COL6A6: variants seen among roughly 807,000 people sequenced by gnomAD.
COL6A6 encodes collagen alpha-6(VI) chain.
In COL6A6, 183 loss-of-function variants were observed where a neutral mutation model predicts 208.6. The ratio of observed to expected loss-of-function variants is 0.88; its 90% confidence interval spans 0.78 to 0.99. The LOEUF (loss-of-function observed/expected upper bound fraction) is 0.99, where lower values mean the gene tolerates loss of function less well. Ranked by LOEUF, COL6A6 falls within the 50% of genes least tolerant of loss-of-function variation. The probability of loss-of-function intolerance (pLI) is 0.00; values close to 1 mark genes in which losing one functional copy is unlikely to be tolerated. For synonymous variants in COL6A6, 973 were observed against 1,011.8 expected (o/e 0.96, Z 0.73); for missense variants, 2,816 against 2,815.2 (o/e 1.00, Z -0.01).
chr3:130,649,010 A>G (rs1011220968), intron 32 of COL6A6, 59 bp from the exon 33 acceptor site: 73 of 1,274,130 alleles, frequency 5.7e-5, no homozygotes, highest in Non-Finnish European at 7.3e-5. Flanking sequence ...TTTGCCTTCT[A>G]TGTATCTTTT....
chr3:130,656,900 C>G (rs1190064784), intron 33 of COL6A6, among the ~76,000 whole-genome samples: 5 of 152,276 alleles, frequency 3.3e-5, no homozygotes, highest in Non-Finnish European at 7.3e-5. Flanking sequence ...CTCAACTTTG[C>G]TCCAAGATCA....
intron 14 of COL6A6, 35 bp from the exon 15 acceptor site, chr3:130,592,661 T>C: frequency 6.2e-7 from 1 of 1,612,874 alleles, no homozygotes; most frequent in African/African-American, 1.3e-5. Flanking sequence ...AATTACATTT[T>C]CCTACACTAA....
In COL6A6 at chr3:130,568,618, T is replaced by C. The variant is rs772628746; in HGVS notation, c.2401+14T>C. On this transcript the variant is annotated intron_variant, in intron 6 of 36. Coordinates refer to ENST00000358511, the MANE Select transcript of COL6A6 (RefSeq NM_001102608.3). ...GCCCCCGTGAAGGTAGGCATGGGCATACTCACTAGCAGGACTATCCGAACA... is the reference window on the plus strand; with the variant it reads ...GCCCCCGTGAAGGTAGGCATGGGCACACTCACTAGCAGGACTATCCGAACA... The C allele has an allele frequency of 3.2e-6, 5 of 1,580,864 alleles. No individual in the cohort carries two copies. In the East Asian group the frequency reaches 1.1e-4, roughly 35 times the overall value.
At position 130,658,805 on chromosome 3, in the gene COL6A6, G is replaced by C. The variant is rs2065867455; in HGVS notation, c.5830+33G>C. ...CCACAGAGAGAAGGTAATTTGGTCA[G>C]GCCTATTAAGCATGATGAGTCACCA... On this transcript the variant is annotated intron_variant, in intron 34 of 36. Coordinates refer to ENST00000358511, the MANE Select transcript of COL6A6 (RefSeq NM_001102608.3). The C allele has an allele frequency of 3.3e-6, 5 of 1,502,610 alleles. No homozygotes were observed. The East Asian group carries it at 1.1e-4, about 35-fold the overall frequency. The allele number at this position is 1,502,610 out of a possible 1,614,324, so 93.1% of individuals were successfully genotyped here. A position where few individuals can be genotyped will look rare whatever the true frequency, so the allele number is the denominator to read the frequency against.
rs1205233950 is a variant in COL6A6, at chr3:130,565,616, T to C, written c.1282+2T>C. 12 of 1,606,468 alleles carry C rather than the reference T, an allele frequency of 7.5e-6. No individual in the cohort carries two copies. The highest frequency in any genetic ancestry group is 1.3e-5 in the African/African-American group (1 of 74,622). On this transcript the variant is annotated splice_donor_variant, in intron 4 of 36. Transcript: ENST00000358511. LOFTEE classifies it high-confidence loss of function. Reference sequence around the variant, plus strand: ...AGAGGACTGAAACGCTCAAATCTGGTAAGGTCTTCTGCTGAAAGAAGGGTT... The same window carrying C: ...AGAGGACTGAAACGCTCAAATCTGGCAAGGTCTTCTGCTGAAAGAAGGGTT...
chr3:130,552,821 ACCG>A (rs202223898), intron 1 of COL6A6, among the ~76,000 whole-genome samples: 404 of 40,108 alleles, frequency 0.01, 1 homozygote, highest in Admixed American at 0.021. Context: ...TCTTTTAAGG[ACCG>A]TCTCTCTTAA....
In COL6A6 at chr3:130,568,042, T is replaced by C. The variant is rs9836961; in HGVS notation, c.1844-5T>C. On this transcript the variant is annotated splice_polypyrimidine_tract_variant and splice_region_variant and intron_variant, in intron 5 of 36. Transcript: ENST00000358511. Reference sequence around the variant, plus strand: ...TGAATAAACATCACAGTTTTTCCTATGCAGCTTGCAAAGAGATGAAAGCTG... The same window carrying C: ...TGAATAAACATCACAGTTTTTCCTACGCAGCTTGCAAAGAGATGAAAGCTG... 0.81 allele frequency: 1,286,503 copies of C among 1,595,670 alleles called. 527,620 individuals carry two copies. The highest frequency in any genetic ancestry group is 0.85 in the Non-Finnish European group (991,949 of 1,171,228).
chr3:130,645,846 C>A (rs1048613118), intron 32 of COL6A6, among the ~76,000 whole-genome samples: 1 of 152,194 alleles, frequency 6.6e-6, no homozygotes, highest in Non-Finnish European at 1.5e-5. Flanking sequence ...AAACTTATCA[C>A]CCTCTTATAC....
At chr3:130,596,999 A>G (rs1342549826) in intron 18 of COL6A6, among the ~76,000 whole-genome samples, 1 of 152,188 alleles carries the variant, frequency 6.6e-6, no homozygotes, top group Non-Finnish European at 1.5e-5. Flanking sequence ...TCAGATTCAC[A>G]TTGACCAACT....
At chr3:130,660,912 TA>T (rs2065915899) in intron 34 of COL6A6, among the ~76,000 whole-genome samples, 1 of 152,250 alleles carries the variant, frequency 6.6e-6, no homozygotes, top group African/African-American at 2.4e-5. Context: ...AAATGACCTT[TA>T]AGAACCTTCC....
intron 1 of COL6A6, among the ~76,000 whole-genome samples, chr3:130,530,884 T>C (rs4525833): frequency 0.8 from 121,956 of 152,030 alleles, 49,649 homozygotes; most frequent in Non-Finnish European, 0.87. Flanking sequence ...AGACTTAAGA[T>C]GGCAACATCA....
chr3:130,528,962 C>T (rs1379142986), intron 1 of COL6A6, among the ~76,000 whole-genome samples: 2 of 152,126 alleles, frequency 1.3e-5, no homozygotes, highest in African/African-American at 4.8e-5. Context: ...GTGTGGTGGA[C>T]ACCTGTAGTC....
At chr3:130,573,820 C>G in intron 7 of COL6A6, 136 bp from the exon 8 acceptor site, 1 of 613,056 alleles carries the variant, frequency 1.6e-6, no homozygotes, top group Non-Finnish European at 2.9e-6. Flanking sequence ...CTGCCCGCCT[C>G]GGCCTCCCAA....
Position 130,608,976 on chromosome 3 carries a change from G to A in COL6A6, c.4752+12G>A, listed in dbSNP as rs560497927. ...TTAAGGGCCCTCAGGTACATATCAA[G>A]ACCAATCAGGGTGTGAGAACATAAA... On this transcript the variant is annotated intron_variant, in intron 22 of 36. Coordinates refer to ENST00000358511, the MANE Select transcript of COL6A6 (RefSeq NM_001102608.3). 2.5e-6 allele frequency: 4 copies of A among 1,602,716 alleles called. No individual in the cohort carries two copies. In the East Asian group the frequency reaches 8.9e-5, roughly 36 times the overall value.
intron 33 of COL6A6, among the ~76,000 whole-genome samples, chr3:130,655,618 C>T (rs540703074): frequency 1.5e-4 from 23 of 152,240 alleles, no homozygotes; most frequent in African/African-American, 2.2e-4. Context: ...TCACTTGGTG[C>T]GCCTGGGAGT....
intron 26 of COL6A6, among the ~76,000 whole-genome samples, chr3:130,634,230 T>TAAAAAAAA (rs1241375395): frequency 1.5e-5 from 1 of 67,944 alleles, no homozygotes; most frequent in Non-Finnish European, 4.2e-5. Flanking sequence ...AATAAATAAA[T>TAAAAAAAA]AAATAAATAA....
chr3:130,531,060 A>G (rs58910981), intron 1 of COL6A6, among the ~76,000 whole-genome samples: 1 of 17,808 alleles, frequency 5.6e-5, no homozygotes, highest in Admixed American at 9.2e-4. Context: ...ACACACACAC[A>G]GTCTCTCTCT....
chr3:130,595,067 A>G (rs2063815999), intron 18 of COL6A6, among the ~76,000 whole-genome samples: 3 of 152,192 alleles, frequency 2.0e-5, no homozygotes, highest in Admixed American at 2.0e-4. Flanking sequence ...TTTCTCAAGA[A>G]TATCAGTCTC....
chr3:130,573,206 T>C (rs1042313375), intron 7 of COL6A6, among the ~76,000 whole-genome samples: 2 of 152,240 alleles, frequency 1.3e-5, no homozygotes, highest in African/African-American at 4.8e-5. Flanking sequence ...CCAGGGAGGC[T>C]AAGTCAATAA....
Sources: allele counts gnomAD v4.1 joint callset (sites outside exome capture counted in the v4.1 genomes callset), GRCh38; gene constraint gnomAD v4.1.1; transcripts MANE v1.5; gene names NCBI Gene and HGNC (gene_info 2026-07-23, HGNC 2026-07-21).